Variants in MLLT3 observed in about 807,000 individuals in gnomAD.
The protein encoded by MLLT3 is protein AF-9.
A neutral mutation model predicts 53.2 loss-of-function variants in MLLT3; 4 were observed. The ratio of observed to expected loss-of-function variants is 0.08; its 90% confidence interval spans 0.04 to 0.17. The LOEUF (loss-of-function observed/expected upper bound fraction) is 0.17. MLLT3 is among the 10% of genes least tolerant of loss of function. The pLI, the probability that MLLT3 is intolerant of heterozygous loss-of-function variation, is 1.00. For synonymous variants in MLLT3, 283 were observed against 230.6 expected (o/e 1.23, Z -2.06); for missense variants, 569 against 684.0 (o/e 0.83, Z 1.87).
chr9:20,359,039 C>G (rs1021453839), intron 8 of MLLT3, among the ~76,000 whole-genome samples: 2 of 145,268 alleles, frequency 1.4e-5, no homozygotes, highest in African/African-American at 5.1e-5. Context: ...CAGCTACTCG[C>G]GGGGCTGAGG....
intron 2 of MLLT3, among the ~76,000 whole-genome samples, chr9:20,576,641 C>T (rs994099492): frequency 6.6e-6 from 1 of 151,986 alleles, no homozygotes; most frequent in Non-Finnish European, 1.5e-5. Context: ...TATGGGCACG[C>T]TTCATGGCAA....
At chr9:20,609,246 G>C (rs1473233996) in intron 2 of MLLT3, among the ~76,000 whole-genome samples, 1 of 151,762 alleles carries the variant, frequency 6.6e-6, no homozygotes, top group Non-Finnish European at 1.5e-5. Context: ...AAGTTATACA[G>C]CATGTTACAA....
At position 20,342,420 on chromosome 9, in the gene MLLT3, G is replaced by GC. The variant is rs202056176; in HGVS notation, c.*4022dup. On this transcript the variant is annotated 3_prime_UTR_variant, in exon 11 of 11. Coordinates refer to ENST00000380338, the MANE Select transcript of MLLT3 (RefSeq NM_004529.4). ...CAGATTTATAAAATGTATTGGCCTT[G>GC]CACTGTTAATCTCAATAATACATTT... 177 of 222,396 alleles carry GC rather than the reference G, an allele frequency of 8.0e-4. 1 individual carries two copies. The East Asian group carries it at 0.011, about 14-fold the overall frequency. 13.8% of individuals were successfully genotyped at this position (222,396 alleles called of 1,614,324 possible).
intron 4 of MLLT3, among the ~76,000 whole-genome samples, chr9:20,418,952 A>G (rs1181646027): frequency 2.0e-5 from 3 of 152,178 alleles, no homozygotes; most frequent in Non-Finnish European, 2.9e-5. Flanking sequence ...GCTTGCTGCT[A>G]CTGTGCAGGT....
chr9:20,591,395 C>T (rs1046046039), intron 2 of MLLT3, among the ~76,000 whole-genome samples: 2 of 152,088 alleles, frequency 1.3e-5, no homozygotes, highest in Admixed American at 6.6e-5. Flanking sequence ...AAATATGACT[C>T]GACTGTAGGG....
Position 20,622,451 on chromosome 9 carries a change from A to AAGCAAAAGC in MLLT3, c.-204_-196dup. The AAGCAAAAGC allele has an allele frequency of 1.9e-6, 1 of 540,054 alleles. No homozygotes were observed. The highest frequency in any genetic ancestry group is 2.6e-5 in the South Asian group (1 of 38,234). 33.5% of individuals were successfully genotyped at this position (540,054 alleles called of 1,614,324 possible). On this transcript the variant is annotated 5_prime_UTR_variant, in exon 1 of 11. Coordinates refer to ENST00000380338, the MANE Select transcript of MLLT3 (RefSeq NM_004529.4). ...GCTCGCTTATTAAACTCAGCCCCAA[A>AAGCAAAAGC]AGCAAAAGCAGCAGCAGCAGCAGCA...
At chr9:20,573,762 TTAACAG>T (rs1819588619) in intron 2 of MLLT3, among the ~76,000 whole-genome samples, 1 of 152,216 alleles carries the variant, frequency 6.6e-6, no homozygotes, top group Non-Finnish European at 1.5e-5. Flanking sequence ...AAAAACAGTG[TTAACAG>T]TAACTAATTA....
chr9:20,411,484 T>C lies in MLLT3; in HGVS notation c.1125+2237A>G, dbSNP rs1165415343. On this transcript the variant is annotated intron_variant, in intron 5 of 10. Coordinates refer to ENST00000380338, the MANE Select transcript of MLLT3 (RefSeq NM_004529.4). ...GCCATTACTAGTACCAGAAGACTAA[T>C]AAGGAAAGTACGGCTGTTGGGTTTT... Among the ~76,000 whole-genome samples the C allele has an allele frequency of 3.3e-5, 5 of 152,308 alleles. No homozygotes were observed. In the East Asian group the frequency reaches 9.6e-4, roughly 29 times the overall value.
rs56934102 is a variant in MLLT3, at chr9:20,343,214, A to AAAAAAAATTTT, written c.*3228_*3229insAAAATTTTTTT. ...AAAAAAAAAAAAAAAAAAAAAAAAA[A>AAAAAAAATTTT]TTTTGAAGAAACTTTTTAGTGGAAG... is the stretch of plus-strand genomic sequence containing the variant. On this transcript the variant is annotated 3_prime_UTR_variant, in exon 11 of 11. Coordinates refer to ENST00000380338, the MANE Select transcript of MLLT3 (RefSeq NM_004529.4). 2 of 115,062 alleles carry AAAAAAAATTTT rather than the reference A, an allele frequency of 1.7e-5. No homozygotes were observed. The highest frequency in any genetic ancestry group is 1.3e-4 in the African/African-American group (2 of 14,932). 7.1% of individuals were successfully genotyped at this position (115,062 alleles called of 1,614,324 possible).
In MLLT3 at chr9:20,420,379, GA is replaced by G. The variant is rs559092882; in HGVS notation, c.421-5955del. ...AAGAAATACTTTAAATCAATTGATT[GA>G]AAAAAGTTTAAAATAATGGAATGGG... On this transcript the variant is annotated intron_variant, in intron 4 of 10. Coordinates refer to ENST00000380338, the MANE Select transcript of MLLT3 (RefSeq NM_004529.4). 2.1e-4 allele frequency among the ~76,000 whole-genome samples: 32 copies of G among 152,214 alleles called. No homozygotes were observed. The East Asian group carries it at 6.2e-3, about 29-fold the overall frequency.
At chr9:20,427,136 G>A (rs1481100914) in intron 4 of MLLT3, among the ~76,000 whole-genome samples, 2 of 151,936 alleles carry the variant, frequency 1.3e-5, no homozygotes, top group Non-Finnish European at 2.9e-5. Flanking sequence ...CATGATGTGA[G>A]GTAAAAGGAC....
intron 4 of MLLT3, among the ~76,000 whole-genome samples, chr9:20,433,999 T>A (rs1191555977): frequency 6.6e-6 from 1 of 151,516 alleles, no homozygotes; most frequent in South Asian, 2.1e-4. Context: ...CACGCACCTG[T>A]AGTCCCAGCT....
chr9:20,343,389 A>T lies in MLLT3; in HGVS notation c.*3054T>A, dbSNP rs991525393. The T allele has an allele frequency of 4.7e-6, 1 of 212,886 alleles. No individual in the cohort carries two copies. The highest frequency in any genetic ancestry group is 2.3e-5 in the African/African-American group (1 of 44,078). The allele number at this position is 212,886 out of a possible 1,614,324, so 13.2% of individuals were successfully genotyped here. ...TTTTTATAGTCTTCCCTACCTTGAC[A>T]CTATATGAACGCATTTATAGACATA... On this transcript the variant is annotated 3_prime_UTR_variant, in exon 11 of 11. Coordinates refer to ENST00000380338, the MANE Select transcript of MLLT3 (RefSeq NM_004529.4).
intron 5 of MLLT3, among the ~76,000 whole-genome samples, chr9:20,392,346 T>C (rs142124903): frequency 1.1e-4 from 17 of 152,260 alleles, no homozygotes; most frequent in African/African-American, 3.8e-4. Context: ...CCAGATGCAG[T>C]CTGACGGGAG....
chr9:20,349,007 A>G (rs919093844), intron 10 of MLLT3, among the ~76,000 whole-genome samples: 1 of 152,238 alleles, frequency 6.6e-6, no homozygotes, highest in Non-Finnish European at 1.5e-5. Context: ...AAATTTCAGG[A>G]TGGAAACAAG....
intron 4 of MLLT3, among the ~76,000 whole-genome samples, chr9:20,434,941 T>C (rs915338922): frequency 6.6e-6 from 1 of 152,190 alleles, no homozygotes; most frequent in East Asian, 1.9e-4. Flanking sequence ...TTAGGATTTG[T>C]TGTAGAAACA....
In MLLT3 at chr9:20,344,786, T is replaced by C; in HGVS notation, c.*1657A>G. 1 of 208,088 alleles carries C rather than the reference T, an allele frequency of 4.8e-6. No individual in the cohort carries two copies. The highest frequency in any genetic ancestry group is 9.8e-6 in the Non-Finnish European group (1 of 102,092). The allele number at this position is 208,088 out of a possible 1,614,324, so 12.9% of individuals were successfully genotyped here. ...GCATTTATATAACTGCCCAAAAGAA[T>C]GGGTCTGGAAAGACCATTTTCTGTA... On this transcript the variant is annotated 3_prime_UTR_variant, in exon 11 of 11. Transcript: ENST00000380338.
chr9:20,583,541 C>T (rs887275357), intron 2 of MLLT3, among the ~76,000 whole-genome samples: 6 of 152,168 alleles, frequency 3.9e-5, no homozygotes, highest in African/African-American at 1.2e-4. Context: ...CAAATTTTTC[C>T]CTGGGCATCT....
intron 2 of MLLT3, among the ~76,000 whole-genome samples, chr9:20,490,435 T>G (rs1586990393): frequency 1.3e-5 from 2 of 152,216 alleles, no homozygotes; most frequent in African/African-American, 4.8e-5. Context: ...GGGCCCACAT[T>G]CAAGGACTGG....
Sources: allele counts gnomAD v4.1 joint callset (sites outside exome capture counted in the v4.1 genomes callset), GRCh38; gene constraint gnomAD v4.1.1; transcripts MANE v1.5; gene names NCBI Gene and HGNC (gene_info 2026-07-23, HGNC 2026-07-21).